Variants in MICAL2 observed in about 807,000 individuals in gnomAD.
MICAL2 encodes the protein [F-actin]-monooxygenase MICAL2.
In MICAL2, 77 loss-of-function variants were observed where a neutral mutation model predicts 127.3. The ratio of observed to expected loss-of-function variants is 0.60; its 90% CI spans 0.50 to 0.73. The LOEUF (loss-of-function observed/expected upper bound fraction) is 0.73, where lower values mean the gene tolerates loss of function less well. Among genes scored for constraint, MICAL2 ranks in the 30% least tolerant of loss-of-function variants. MICAL2 has a pLI of 0.00. For synonymous variants in MICAL2, 570 were observed against 551.1 expected (o/e 1.03, Z -0.48); for missense variants, 1,351 against 1,434.4 (o/e 0.94, Z 0.94).
chr11:12,239,193 G>A (rs1002815978), intron 16 of MICAL2, among the ~76,000 whole-genome samples: 5 of 152,236 alleles, frequency 3.3e-5, no homozygotes, highest in Non-Finnish European at 5.9e-5. Context: ...AGAAATGAGA[G>A]TCGGGATTCA....
At chr11:12,275,932 C>T (rs1392748682), upstream of MICAL2, 1 of 399,064 alleles carries the variant, frequency 2.5e-6, no homozygotes, top group East Asian at 3.6e-5. Context: ...TGGAAGGGTC[C>T]TGCTAGGCCA....
chr11:12,241,538 G>A (rs1859960786), intron 18 of MICAL2, among the ~76,000 whole-genome samples: 1 of 152,224 alleles, frequency 6.6e-6, no homozygotes, highest in East Asian at 1.9e-4. Context: ...GGCCCAGGTG[G>A]CCACTTGGCT....
intron 17 of MICAL2, 94 bp downstream of exon 17, chr11:12,239,679 G>C: frequency 2.1e-6 from 3 of 1,456,384 alleles, no homozygotes; most frequent in Non-Finnish European, 2.8e-6. Context: ...ATGCCAGCCA[G>C]GCCTGGTCCC....
At position 12,255,821 on chromosome 11, in the gene MICAL2, G is replaced by A. The variant is rs1428427135; in HGVS notation, c.2955+71G>A. ...GCATCCCAGGGCGGGCACATGGGAT[G>A]TCGAGAGGATGCCCTGGCCCTCCCG... is the stretch of plus-strand genomic sequence containing the variant. On this transcript the variant is annotated intron_variant, in intron 23 of 27. Coordinates refer to ENST00000683283, the MANE Select transcript of MICAL2 (RefSeq NM_001282663.2). The A allele has an allele frequency of 2.2e-5, 28 of 1,267,718 alleles. No homozygotes were observed. In the Admixed American group the frequency reaches 3.1e-4, roughly 14 times the overall value. 78.5% of individuals were successfully genotyped at this position (1,267,718 alleles called of 1,614,324 possible).
At chr11:12,218,455 A>G (rs1313624510) in intron 8 of MICAL2, among the ~76,000 whole-genome samples, 1 of 151,518 alleles carries the variant, frequency 6.6e-6, no homozygotes, top group African/African-American at 2.4e-5. Context: ...CTAGGTCCCC[A>G]CTCTCCTGCA....
At chr11:12,138,910 G>A (rs749401701) in intron 2 of MICAL2, among the ~76,000 whole-genome samples, 2 of 152,128 alleles carry the variant, frequency 1.3e-5, no homozygotes, top group Non-Finnish European at 2.9e-5. Flanking sequence ...TGGGTGGGGT[G>A]GTCACATTAT....
intron 13 of MICAL2, among the ~76,000 whole-genome samples, chr11:12,225,418 T>C (rs1041318535): frequency 6.6e-6 from 1 of 152,060 alleles, no homozygotes; most frequent in African/African-American, 2.4e-5. Context: ...CAAAAAAGGC[T>C]GACAGCAAAC....
At chr11:12,277,198 G>T (rs777670936) in intron 1 of MICAL2, among the ~76,000 whole-genome samples, 14 of 152,044 alleles carry the variant, frequency 9.2e-5, no homozygotes, top group Non-Finnish European at 1.6e-4. Context: ...GGTGACAGAG[G>T]GCTATTGGGC....
intron 26 of MICAL2, chr11:12,261,416 C>G (rs960662544): frequency 2.0e-6 from 2 of 985,350 alleles, no homozygotes; most frequent in Non-Finnish European, 2.4e-6. Flanking sequence ...GCAGGTCCAC[C>G]TGTGTTCTTA....
At chr11:12,186,902 G>A (rs1858371752) in intron 3 of MICAL2, among the ~76,000 whole-genome samples, 1 of 152,236 alleles carries the variant, frequency 6.6e-6, no homozygotes, top group Admixed American at 6.5e-5. Context: ...GGGCCCATGA[G>A]CAGCTGGGCT....
chr11:12,224,527 C>A, intron 12 of MICAL2, 146 bp from the exon 13 acceptor site: 1 of 1,003,560 alleles, frequency 1.0e-6, no homozygotes, highest in Non-Finnish European at 1.5e-6. Context: ...GGGAGCTGCA[C>A]CCGTGCCAGT....
intron 9 of MICAL2, among the ~76,000 whole-genome samples, chr11:12,220,664 G>A (rs769382515): frequency 6.6e-6 from 1 of 152,244 alleles, no homozygotes; most frequent in Non-Finnish European, 1.5e-5. Flanking sequence ...AGTTAGGAGA[G>A]CCTTCTCTCC....
At chr11:12,340,081 C>A (rs561519126) in intron 32 of MICAL2, among the ~76,000 whole-genome samples, 189 of 152,308 alleles carry the variant, frequency 1.2e-3, no homozygotes, top group African/African-American at 4.2e-3. Context: ...AGAATATTTT[C>A]AATCCACAGT....
downstream of MICAL2, chr11:12,294,797 G>GCTCCTCCTCCTCCTCCTCCTCCTCCTC (rs3841216): frequency 6.7e-6 from 10 of 1,500,246 alleles, no homozygotes; most frequent in African/African-American, 7.6e-5. Flanking sequence ...GCGCCAGGCA[G>GCTCCTCCTCCTCCTCCTCCTCCTCCTC]CTCCTCCTCC....
chr11:12,152,561 C>A (rs1853716719), intron 2 of MICAL2, among the ~76,000 whole-genome samples: 3 of 152,020 alleles, frequency 2.0e-5, no homozygotes, highest in Non-Finnish European at 4.4e-5. Flanking sequence ...TGGTGCCCAA[C>A]CTTCCCTGGG....
chr11:12,314,981 A>T (rs1359597776), intron 29 of MICAL2, among the ~76,000 whole-genome samples: 1 of 151,980 alleles, frequency 6.6e-6, no homozygotes, highest in Admixed American at 6.6e-5. Context: ...TTCATCTTAG[A>T]TTGGTTTTCT....
At chr11:12,280,386 C>A (rs988639511) in intron 1 of MICAL2, among the ~76,000 whole-genome samples, 4 of 152,182 alleles carry the variant, frequency 2.6e-5, no homozygotes, top group Admixed American at 6.5e-5. Context: ...CTGTATTGTT[C>A]TGCTCTGGCT....
intron 17 of MICAL2, among the ~76,000 whole-genome samples, chr11:12,240,529 G>A (rs1201243461): frequency 6.6e-6 from 1 of 152,142 alleles, no homozygotes; most frequent in Non-Finnish European, 1.5e-5. Context: ...TTATTATAAG[G>A]GGGCCATTTC....
chr11:12,353,436 A>G (rs57963660), intron 33 of MICAL2, among the ~76,000 whole-genome samples: 1 of 152,232 alleles, frequency 6.6e-6, no homozygotes, highest in African/African-American at 2.4e-5. Context: ...AAATGTAGGT[A>G]TTTCCAGGCT....
Sources: gnomAD v4.1 joint callset for allele counts (sites outside exome capture counted in the v4.1 genomes callset) on GRCh38, gnomAD v4.1.1 for gene constraint, MANE v1.5 for transcripts, NCBI Gene and HGNC (gene_info 2026-07-23, HGNC 2026-07-21) for gene names.